Variants in ATP11A observed in about 807,000 individuals in gnomAD.
The protein encoded by ATP11A is phospholipid-transporting ATPase IH.
In ATP11A, 81 loss-of-function variants were observed where a neutral mutation model predicts 154.4. The observed-to-expected ratio is 0.52, with a 90% confidence interval of 0.44 to 0.63. The LOEUF (loss-of-function observed/expected upper bound fraction) is 0.63, where lower values mean the gene tolerates loss of function less well. ATP11A is among the 30% of genes least tolerant of loss of function. ATP11A has a pLI of 0.00. For missense variants in ATP11A, 1,316 were observed against 1,474.3 expected (o/e 0.89, Z 1.76); for synonymous variants, 623 against 585.9 (o/e 1.06, Z -0.91).
chr13:112,859,487 A>G lies in ATP11A; in HGVS notation c.2727+35A>G, dbSNP rs750524277. Reference sequence around the variant, plus strand: ...AGGGTCTTCAGGGACAGGCTGTCTGAGCCTTCTTTTCCTTCCCGCAGTGGG... The same window carrying G: ...AGGGTCTTCAGGGACAGGCTGTCTGGGCCTTCTTTTCCTTCCCGCAGTGGG... On this transcript the variant is annotated intron_variant, in intron 23 of 29. Transcript: ENST00000375645. This position sits in a 1 kb window ranked among gnomAD's most constrained non-coding sequence, Gnocchi z 4.3. The G allele has an allele frequency of 3.2e-6, 5 of 1,581,982 alleles. No individual in the cohort carries two copies. The African/African-American group carries it at 6.8e-5, about 21-fold the overall frequency.
At position 112,878,299 on chromosome 13, in the gene ATP11A, A is replaced by G; in HGVS notation, c.*5A>G. 1 of 1,614,044 alleles carries G rather than the reference A, an allele frequency of 6.2e-7. No individual in the cohort carries two copies. The highest frequency in any genetic ancestry group is 1.3e-5 in the African/African-American group (1 of 75,064). On this transcript the variant is annotated 3_prime_UTR_variant, in exon 29 of 30. Transcript: ENST00000375645. Reference sequence around the variant, plus strand: ...TCCAGCAGCCTGAGTTTCTGATGGAACAAGGTGATGCTCCTCTGCCTTCCA... The same window carrying G: ...TCCAGCAGCCTGAGTTTCTGATGGAGCAAGGTGATGCTCCTCTGCCTTCCA...
intron 1 of ATP11A, among the ~76,000 whole-genome samples, chr13:112,776,457 T>C (rs1281694417): frequency 6.6e-6 from 1 of 152,342 alleles, no homozygotes; most frequent in East Asian, 1.9e-4. Flanking sequence ...GTGTCTATGC[T>C]GCGTGACACT....
At chr13:112,876,890 G>A (rs1274343508) in intron 28 of ATP11A, among the ~76,000 whole-genome samples, 1 of 152,148 alleles carries the variant, frequency 6.6e-6, no homozygotes, top group African/African-American at 2.4e-5. Flanking sequence ...CCCTCCCTTG[G>A]GGGGCACAGC....
intron 25 of ATP11A, among the ~76,000 whole-genome samples, chr13:112,870,692 T>C (rs989345858): frequency 6.6e-6 from 1 of 152,186 alleles, no homozygotes; most frequent in Admixed American, 6.5e-5. Context: ...TTTAATTCTT[T>C]ATAAAATAAA....
At chr13:112,707,299 C>A (rs995166132) in intron 1 of ATP11A, among the ~76,000 whole-genome samples, 2 of 151,874 alleles carry the variant, frequency 1.3e-5, no homozygotes, top group Admixed American at 1.3e-4. Flanking sequence ...CCTGTAATCC[C>A]ACCTACTCAG....
At chr13:112,861,171 A>G (rs1403196084) in intron 24 of ATP11A, among the ~76,000 whole-genome samples, 1 of 152,192 alleles carries the variant, frequency 6.6e-6, no homozygotes, top group Non-Finnish European at 1.5e-5. Flanking sequence ...TTACGAGAAC[A>G]ACATGGGAAA....
intron 26 of ATP11A, among the ~76,000 whole-genome samples, chr13:112,872,946 G>A (rs2080576373): frequency 2.7e-5 from 4 of 149,314 alleles, no homozygotes; most frequent in Admixed American, 6.6e-5. Flanking sequence ...TTGTCTTCCT[G>A]AGCGGTGTGA....
At chr13:112,818,211 T>C (rs7992246) in intron 6 of ATP11A, among the ~76,000 whole-genome samples, 104,171 of 146,492 alleles carry the variant, frequency 0.71, 38,161 homozygotes, top group African/African-American at 0.91. Flanking sequence ...GGGCAGTGAC[T>C]GTTGGTGCGC....
chr13:112,852,959 G>A (rs1272191309), intron 18 of ATP11A, among the ~76,000 whole-genome samples: 4 of 152,224 alleles, frequency 2.6e-5, no homozygotes, highest in East Asian at 1.9e-4. Flanking sequence ...GGTGGAGCAC[G>A]CTTGTAATCC....
chr13:112,878,592 T>C (rs996441204), intron 29 of ATP11A: 2 of 504,894 alleles, frequency 4.0e-6, no homozygotes, highest in Non-Finnish European at 7.2e-6. Context: ...AGCGGAGAGC[T>C]GGCCACATGA....
In ATP11A at chr13:112,883,751, C is replaced by T. The variant is rs1195629014; in HGVS notation, c.*1885C>T. On this transcript the variant is annotated 3_prime_UTR_variant, in exon 30 of 30. Coordinates refer to ENST00000375645, the MANE Select transcript of ATP11A (RefSeq NM_015205.3). ...GCAGGCGTCCCCAGGGCCACCCTGC[C>T]CTGAGGTCCTTGTGTGGCCGCCCTG... 1.3e-5 allele frequency: 2 copies of T among 152,698 alleles called. No homozygotes were observed. Among genetic ancestry groups the T allele is most frequent in the East Asian group, 3.9e-4 (2 of 5,176 alleles). The allele number at this position is 152,698 out of a possible 1,614,324, so 9.5% of individuals were successfully genotyped here.
chr13:112,861,511 C>T (rs1172419514), intron 24 of ATP11A, among the ~76,000 whole-genome samples: 1 of 152,230 alleles, frequency 6.6e-6, no homozygotes, highest in African/African-American at 2.4e-5. Flanking sequence ...GTGTACATGA[C>T]ACGTGTATGT....
rs2277431 is a variant in ATP11A, at chr13:112,819,061, C to G, written c.571-243C>G. Among the ~76,000 whole-genome samples, 918 of 152,320 alleles carry G rather than the reference C, an allele frequency of 6.0e-3. 9 individuals carry two copies. Among genetic ancestry groups the G allele is most frequent in the Middle Eastern group, 0.024 (7 of 294 alleles). On this transcript the variant is annotated intron_variant, in intron 6 of 29. Coordinates refer to ENST00000375645, the MANE Select transcript of ATP11A (RefSeq NM_015205.3). ...AATCAGTGTCTACCCTTGAAGAATT[C>G]GAGCATTGCTATCTGTCCTGTTAGT...
intron 8 of ATP11A, among the ~76,000 whole-genome samples, chr13:112,820,687 C>T (rs1039549710): frequency 1.1e-4 from 16 of 152,316 alleles, no homozygotes; most frequent in African/African-American, 3.4e-4. Context: ...TTGTTGCTGA[C>T]GAGATATTTG....
intron 16 of ATP11A, among the ~76,000 whole-genome samples, chr13:112,841,373 C>T (rs1478080993): frequency 6.2e-5 from 9 of 145,164 alleles, no homozygotes; most frequent in Admixed American, 1.4e-4. Flanking sequence ...TCGGGAGCAC[C>T]TGCGCCCAGG....
chr13:112,794,394 A>C (rs981475474), intron 2 of ATP11A, among the ~76,000 whole-genome samples: 1 of 152,248 alleles, frequency 6.6e-6, no homozygotes, highest in Non-Finnish European at 1.5e-5. Context: ...CTGCTGTGTC[A>C]GTGCAGTCAC....
rs774143063 is a variant in ATP11A at position 112,873,564 on chromosome 13, T to C, written c.3058-9T>C. On this transcript the variant is annotated splice_polypyrimidine_tract_variant and intron_variant, in intron 26 of 29. Transcript: ENST00000375645. ...ACACCGTTAACTGCCCTTTTTTTTTTCCTTTTAGCTTGCATTGGACACACA... is the reference window on the plus strand; with the variant it reads ...ACACCGTTAACTGCCCTTTTTTTTTCCCTTTTAGCTTGCATTGGACACACA... 8 of 1,583,220 alleles carry C rather than the reference T, an allele frequency of 5.1e-6. No homozygotes were observed. The African/African-American group carries it at 6.8e-5, about 14-fold the overall frequency.
rs1350963807 is a variant in ATP11A, at chr13:112,807,688, C to A, written c.333+1395C>A. On this transcript the variant is annotated intron_variant, in intron 4 of 29. Transcript: ENST00000375645. The surrounding 1 kb of genome is among the most constrained non-coding windows in gnomAD (Gnocchi z 4.5). ...GGAAACGATGTTACTCGGGGACCTG[C>A]CATGTGTCCTCGGGCCCAAAGTCAC... Among the ~76,000 whole-genome samples the A allele has an allele frequency of 2.0e-5, 3 of 152,168 alleles. No homozygotes were observed. The highest frequency in any genetic ancestry group is 4.4e-5 in the Non-Finnish European group (3 of 68,018).
At chr13:112,780,900 G>A (rs2140006130) in intron 1 of ATP11A, among the ~76,000 whole-genome samples, 1 of 152,316 alleles carries the variant, frequency 6.6e-6, no homozygotes, top group South Asian at 2.1e-4. Flanking sequence ...GCTGAGCTGT[G>A]TGGCTGATCC....
Sources: allele counts gnomAD v4.1 joint callset (sites outside exome capture counted in the v4.1 genomes callset), GRCh38; gene constraint gnomAD v4.1.1; non-coding constraint Gnocchi (gnomAD v3.1); transcripts MANE v1.5; gene names NCBI Gene and HGNC (gene_info 2026-07-23, HGNC 2026-07-21).